MAPRE2: variants seen among roughly 807,000 people sequenced by gnomAD.
MAPRE2 encodes microtubule-associated protein RP/EB family member 2.
Under a neutral mutation model 43.2 loss-of-function variants are expected in MAPRE2, and 13 were observed. The ratio of observed to expected loss-of-function variants is 0.30; its 90% CI spans 0.20 to 0.48. The LOEUF (loss-of-function observed/expected upper bound fraction) is 0.48, where lower values mean the gene tolerates loss of function less well. Ranked by LOEUF, MAPRE2 falls within the 20% of genes least tolerant of loss-of-function variation. MAPRE2 has a pLI of 0.99. For missense variants in MAPRE2, 161 were observed against 400.2 expected (o/e 0.40, Z 5.10); for synonymous variants, 135 against 148.8 (o/e 0.91, Z 0.68).
intron 2 of MAPRE2, among the ~76,000 whole-genome samples, chr18:35,021,418 G>A (rs748398604): frequency 5.3e-5 from 8 of 152,066 alleles, no homozygotes; most frequent in Admixed American, 1.3e-4. Flanking sequence ...AAGATGGAAA[G>A]GGCATAGGAT....
At chr18:35,037,606 G>C (rs973679051), upstream of MAPRE2, among the ~76,000 whole-genome samples, 4 of 152,152 alleles carry the variant, frequency 2.6e-5, no homozygotes. Flanking sequence ...AGATATGCCT[G>C]TGTACATAAG....
At chr18:35,091,325 GGT>G (rs1908140101) in intron 2 of MAPRE2, among the ~76,000 whole-genome samples, 1 of 152,116 alleles carries the variant, frequency 6.6e-6, no homozygotes, top group South Asian at 2.1e-4. Context: ...ATGTGTATAA[GGT>G]GTATATGAAG....
rs752074200 is a variant in MAPRE2, at chr18:35,041,496, C to T, written c.-44C>T. 11 of 1,613,682 alleles carry T rather than the reference C, an allele frequency of 6.8e-6. 1 individual carries two copies. In the Admixed American group the frequency reaches 1.5e-4, roughly 22 times the overall value. On this transcript the variant is annotated 5_prime_UTR_variant, in exon 1 of 7. Transcript: ENST00000300249. ...GGGAAGACGCAGCCACCTTCCTCACCAGCCAGCCCACAGCGGTTTGTTCCC... is the reference window on the plus strand; with the variant it reads ...GGGAAGACGCAGCCACCTTCCTCACTAGCCAGCCCACAGCGGTTTGTTCCC...
At chr18:35,005,236 T>C (rs1050928631) in intron 1 of MAPRE2, among the ~76,000 whole-genome samples, 2 of 152,210 alleles carry the variant, frequency 1.3e-5, no homozygotes, top group African/African-American at 4.8e-5. Context: ...GACATTATAC[T>C]AAATTTTTAT....
chr18:35,046,544 A>C (rs369449648), intron 1 of MAPRE2, among the ~76,000 whole-genome samples: 5 of 152,358 alleles, frequency 3.3e-5, no homozygotes, highest in African/African-American at 1.2e-4. Context: ...AAGCATTGAA[A>C]AGCAGGCGGG....
chr18:34,985,719 AATATGTAATATATAAATATATATTAT>A (rs1568962324), intron 1 of MAPRE2, among the ~76,000 whole-genome samples: 1 of 94,664 alleles, frequency 1.1e-5, no homozygotes, highest in East Asian at 3.4e-4. Context: ...TATATCATAT[AATATGTAATATATAAATATATATTAT>A]ATATGTAATA....
In MAPRE2 at chr18:35,142,135, C is replaced by G. The variant is rs907773820; in HGVS notation, c.*1766C>G. 1 of 152,260 alleles carries G rather than the reference C, an allele frequency of 6.6e-6. No homozygotes were observed. The highest frequency in any genetic ancestry group is 1.5e-5 in the Non-Finnish European group (1 of 68,078). The allele number at this position is 152,260 out of a possible 1,614,324, so 9.4% of individuals were successfully genotyped here. ...TTCTCTAAGGCTGGACAGCCTGGCT[C>G]TCGGCAGTGACGTCCTCCCACACCT... On this transcript the variant is annotated 3_prime_UTR_variant, in exon 7 of 7. Coordinates refer to ENST00000300249, the MANE Select transcript of MAPRE2 (RefSeq NM_014268.4).
intron 6 of MAPRE2, among the ~76,000 whole-genome samples, chr18:35,139,459 T>A (rs993621818): frequency 6.6e-6 from 1 of 152,100 alleles, no homozygotes; most frequent in African/African-American, 2.4e-5. Context: ...CTCCCTGGAG[T>A]TGGTGTTCAT....
intron 2 of MAPRE2, among the ~76,000 whole-genome samples, chr18:35,028,057 A>G (rs1381682158): frequency 6.6e-6 from 1 of 152,230 alleles, no homozygotes; most frequent in East Asian, 1.9e-4. Context: ...AACTTCTCAC[A>G]GGGCAGCTGA....
chr18:34,985,625 AC>A (rs1296737801), intron 1 of MAPRE2, among the ~76,000 whole-genome samples: 1 of 98,812 alleles, frequency 1.0e-5, no homozygotes, highest in African/African-American at 3.9e-5. Flanking sequence ...ATAATATATA[AC>A]ATATATATTA....
In MAPRE2 at chr18:35,141,189, C is replaced by T. The variant is rs1238008161; in HGVS notation, c.*820C>T. The stretch of plus-strand genomic sequence containing the variant: ...CAGCCACTCCCCGAGATGTTGCCAT[C>T]AGTTTTCTGCAGTCCAAAGAGGGTA... On this transcript the variant is annotated 3_prime_UTR_variant, in exon 7 of 7. Coordinates refer to ENST00000300249, the MANE Select transcript of MAPRE2 (RefSeq NM_014268.4). 1 of 152,218 alleles carries T rather than the reference C, an allele frequency of 6.6e-6. No individual in the cohort carries two copies. The highest frequency in any genetic ancestry group is 2.4e-5 in the African/African-American group (1 of 41,442). 9.4% of individuals were successfully genotyped at this position (152,218 alleles called of 1,614,324 possible).
intron 1 of MAPRE2, among the ~76,000 whole-genome samples, chr18:34,996,790 T>A (rs1467617771): frequency 2.6e-5 from 4 of 152,224 alleles, no homozygotes; most frequent in Admixed American, 1.3e-4. Context: ...TGAAATGTGG[T>A]GCCCTGTTGC....
intron 1 of MAPRE2, among the ~76,000 whole-genome samples, chr18:35,047,046 TCAGGACACTCC>T (rs1905664647): frequency 6.6e-6 from 1 of 152,180 alleles, no homozygotes; most frequent in Non-Finnish European, 1.5e-5. Flanking sequence ...ATGAAACTGC[TCAGGACACTCC>T]CTGTGACTTT....
chr18:35,028,693 G>A lies in MAPRE2; in HGVS notation c.-8+23140G>A, dbSNP rs542189223. On this transcript the variant is annotated intron_variant, in intron 2 of 7. Transcript: ENST00000413393. ...ACAAGGATTGAAGAAATAATTTCCCGAAAGAGGGAGGAGCAAACAAAATAA... is the reference window on the plus strand; with the variant it reads ...ACAAGGATTGAAGAAATAATTTCCCAAAAGAGGGAGGAGCAAACAAAATAA... 7.5e-4 allele frequency among the ~76,000 whole-genome samples: 114 copies of A among 152,304 alleles called. 1 individual carries two copies. In the South Asian group the frequency reaches 0.021, roughly 28 times the overall value.
At chr18:35,062,749 C>T (rs1906598733) in intron 1 of MAPRE2, among the ~76,000 whole-genome samples, 1 of 152,192 alleles carries the variant, frequency 6.6e-6, no homozygotes, top group Admixed American at 6.5e-5. Context: ...TATTTCTAAC[C>T]ATTACCTTAA....
At chr18:35,026,456 C>A (rs371644321) in intron 2 of MAPRE2, among the ~76,000 whole-genome samples, 1 of 152,110 alleles carries the variant, frequency 6.6e-6, no homozygotes, top group African/African-American at 2.4e-5. Context: ...GACACCACAC[C>A]ACAGTCTCAC....
intron 1 of MAPRE2, among the ~76,000 whole-genome samples, chr18:35,045,989 G>C (rs1905604696): frequency 6.6e-6 from 1 of 152,166 alleles, no homozygotes; most frequent in African/African-American, 2.4e-5. Flanking sequence ...GCTCACTCCT[G>C]CTCTGTAGCT....
chr18:35,103,702 A>G (rs1293395690), intron 4 of MAPRE2, among the ~76,000 whole-genome samples: 3 of 152,186 alleles, frequency 2.0e-5, no homozygotes, highest in Non-Finnish European at 4.4e-5. Context: ...GGGCTTGCAT[A>G]GGAAGCAGAG....
rs151044879 is a variant in MAPRE2 at position 34,992,894 on chromosome 18, T to C, written c.-69-12598T>C. Reference sequence around the variant, plus strand: ...TCACGTTTCCCTGTGCATGTGGTTTTTAGTGTTGGGTTGTCTCTCCCTCAT... The same window carrying C: ...TCACGTTTCCCTGTGCATGTGGTTTCTAGTGTTGGGTTGTCTCTCCCTCAT... On this transcript the variant is annotated intron_variant, in intron 1 of 7. Coordinates refer to the MAPRE2 transcript ENST00000413393. Among the ~76,000 whole-genome samples the C allele has an allele frequency of 1.8e-4, 28 of 152,302 alleles. 1 individual carries two copies. In the East Asian group the frequency reaches 5.4e-3, roughly 29 times the overall value.
Sources: gnomAD v4.1 joint callset for allele counts (sites outside exome capture counted in the v4.1 genomes callset) on GRCh38, gnomAD v4.1.1 for gene constraint, MANE v1.5 for transcripts, NCBI Gene and HGNC (gene_info 2026-07-23, HGNC 2026-07-21) for gene names.